ACOXL: variants seen among roughly 807,000 people sequenced by gnomAD.
ACOXL encodes the protein acyl-coenzyme A oxidase-like protein.
Under a neutral mutation model 71.9 loss-of-function variants are expected in ACOXL, and 70 were observed. That is an observed-to-expected ratio of 0.97 (90% CI 0.80 to 1.19). ACOXL has a LOEUF of 1.19. Among genes scored for constraint, ACOXL ranks in the 50% most tolerant of loss-of-function variants. The pLI is 0.00. For missense variants in ACOXL, 703 were observed against 736.3 expected, an observed-to-expected ratio of 0.95 and a Z score of 0.52; for synonymous variants, 253 against 281.6, an observed-to-expected ratio of 0.90 and a Z score of 1.02.
chr2:110,881,981 T>G (rs1696707531), intron 10 of ACOXL, among the ~76,000 whole-genome samples: 1 of 152,176 alleles, frequency 6.6e-6, no homozygotes, highest in African/African-American at 2.4e-5. Flanking sequence ...ATCTTTTCTC[T>G]CAGGCAAATA....
At chr2:110,989,905 T>TGG (rs1297364282) in intron 13 of ACOXL, among the ~76,000 whole-genome samples, 2 of 152,084 alleles carry the variant, frequency 1.3e-5, no homozygotes, top group African/African-American at 4.8e-5. Flanking sequence ...CCAGGCATGG[T>TGG]GGCACATGCT....
intron 10 of ACOXL, among the ~76,000 whole-genome samples, chr2:110,898,483 G>A (rs2059104432): frequency 6.6e-6 from 1 of 152,006 alleles, no homozygotes; most frequent in Non-Finnish European, 1.5e-5. Flanking sequence ...TGCTAAAGAA[G>A]AAAAATCTCA....
chr2:110,869,755 C>T (rs1695041394), intron 10 of ACOXL, among the ~76,000 whole-genome samples: 1 of 152,230 alleles, frequency 6.6e-6, no homozygotes, highest in Non-Finnish European at 1.5e-5. Context: ...CTCTCTTGGC[C>T]CTCAGCCACC....
chr2:110,739,112 T>C (rs1214254543), intron 1 of ACOXL, among the ~76,000 whole-genome samples: 1 of 152,232 alleles, frequency 6.6e-6, no homozygotes, highest in Admixed American at 6.5e-5. Context: ...TTGACCTTTT[T>C]TATGTTTGAG....
chr2:110,791,308 G>C (rs2105239235), intron 3 of ACOXL, among the ~76,000 whole-genome samples: 1 of 152,338 alleles, frequency 6.6e-6, no homozygotes, highest in Admixed American at 6.5e-5. Context: ...GTGAATGGGG[G>C]CTTTCAAAAT....
chr2:110,784,514 C>T (rs1365875213), intron 2 of ACOXL, among the ~76,000 whole-genome samples: 3 of 152,094 alleles, frequency 2.0e-5, no homozygotes, highest in Non-Finnish European at 4.4e-5. Flanking sequence ...TAAGAAGAGT[C>T]TTTAACACTA....
intron 14 of ACOXL, 109 bp from the exon 15 acceptor site, chr2:111,031,518 C>A: frequency 2.1e-6 from 2 of 945,280 alleles, no homozygotes; most frequent in African/African-American, 1.6e-5. Flanking sequence ...GCACTGTGTC[C>A]ATGCTTAATG....
chr2:111,028,114 A>G (rs2065098766), intron 14 of ACOXL, among the ~76,000 whole-genome samples: 1 of 151,964 alleles, frequency 6.6e-6, no homozygotes, highest in Non-Finnish European at 1.5e-5. Flanking sequence ...GCAAGAACCC[A>G]GGAGGTCAAG....
In ACOXL at chr2:110,930,829, CT is replaced by C. The variant is rs1182105367; in HGVS notation, c.906-2656del. Among the ~76,000 whole-genome samples the C allele has an allele frequency of 2.2e-4, 33 of 152,308 alleles. 1 individual carries two copies. The highest frequency in any genetic ancestry group is 7.7e-4 in the African/African-American group (32 of 41,572). On this transcript the variant is annotated intron_variant, in intron 11 of 17. Transcript: ENST00000439055. ...TTGCCTGCCATCATGCAAAATGTGC[CT>C]TTTGCCTTCCATCATGATTGTGAGC...
intron 14 of ACOXL, among the ~76,000 whole-genome samples, chr2:111,016,046 C>T (rs116074378): frequency 0.056 from 8,519 of 152,110 alleles, 417 homozygotes; most frequent in South Asian, 0.13. Context: ...AATCCTCCTG[C>T]GTCAGCCTCC....
chr2:110,899,830 A>G (rs2059155732), intron 10 of ACOXL, among the ~76,000 whole-genome samples: 1 of 152,124 alleles, frequency 6.6e-6, no homozygotes, highest in South Asian at 2.1e-4. Flanking sequence ...TGAAAAGTAA[A>G]TTAATTTCCC....
At chr2:110,752,029 T>C (rs1405818080) in intron 1 of ACOXL, among the ~76,000 whole-genome samples, 1 of 151,492 alleles carries the variant, frequency 6.6e-6, no homozygotes, top group African/African-American at 2.4e-5. Flanking sequence ...TCTTCTTTTT[T>C]TTTTTTTTTT....
intron 12 of ACOXL, among the ~76,000 whole-genome samples, chr2:110,960,207 G>A (rs568485060): frequency 2.6e-5 from 4 of 152,152 alleles, no homozygotes; most frequent in Non-Finnish European, 4.4e-5. Flanking sequence ...GCAAGCAGCC[G>A]GTGTGGCCAG....
chr2:110,941,206 A>G (rs1240324470), intron 12 of ACOXL, among the ~76,000 whole-genome samples: 1 of 152,194 alleles, frequency 6.6e-6, no homozygotes, highest in Non-Finnish European at 1.5e-5. Flanking sequence ...TACTAGGTAC[A>G]TGTTCCCGGG....
chr2:111,058,528 C>T (rs1286947154), intron 16 of ACOXL, among the ~76,000 whole-genome samples: 5 of 152,218 alleles, frequency 3.3e-5, no homozygotes, highest in African/African-American at 1.2e-4. Flanking sequence ...TGATTAAAAA[C>T]TGGAAACGTT....
At chr2:110,896,589 A>G (rs977841664) in intron 10 of ACOXL, among the ~76,000 whole-genome samples, 1 of 152,206 alleles carries the variant, frequency 6.6e-6, no homozygotes, top group African/African-American at 2.4e-5. Context: ...CTTAAATTTC[A>G]TATAAAGTAG....
intron 9 of ACOXL, among the ~76,000 whole-genome samples, chr2:110,828,398 A>G (rs1251713468): frequency 6.6e-6 from 1 of 152,238 alleles, no homozygotes; most frequent in Non-Finnish European, 1.5e-5. Context: ...TAAGGGTGTC[A>G]ATACTGTCAT....
chr2:110,804,361 C>T (rs1426542543), intron 8 of ACOXL, among the ~76,000 whole-genome samples: 1 of 152,176 alleles, frequency 6.6e-6, no homozygotes, highest in Non-Finnish European at 1.5e-5. Context: ...GTTTGTTATA[C>T]ATTGCTGGTG....
At chr2:110,845,849 C>T (rs72832864) in intron 10 of ACOXL, among the ~76,000 whole-genome samples, 5,701 of 152,232 alleles carry the variant, frequency 0.037, 190 homozygotes, top group South Asian at 0.15. Flanking sequence ...ACACTTGGGT[C>T]GCTTCCACCT....
Sources: gnomAD v4.1 joint callset for allele counts (sites outside exome capture counted in the v4.1 genomes callset) on GRCh38, gnomAD v4.1.1 for gene constraint, MANE v1.5 for transcripts, NCBI Gene and HGNC (gene_info 2026-07-23, HGNC 2026-07-21) for gene names.